Variants in IFTAP observed in about 807,000 individuals in gnomAD.
IFTAP encodes the protein intraflagellar transport-associated protein.
In IFTAP, 19 loss-of-function variants were observed where a neutral mutation model predicts 19.4. The observed-to-expected ratio is 0.98, with a 90% CI of 0.68 to 1.44. The LOEUF is 1.44. Ranked by LOEUF, IFTAP falls within the 40% of genes most tolerant of loss-of-function variation. IFTAP has a pLI of 0.00. For missense variants in IFTAP, 240 were observed against 253.6 expected (o/e 0.95, Z 0.36); for synonymous variants, 85 against 83.5 (o/e 1.02, Z -0.10).
At chr11:36,618,215 T>C (rs1226819070) in intron 2 of IFTAP, among the ~76,000 whole-genome samples, 2 of 151,934 alleles carry the variant, frequency 1.3e-5, no homozygotes, top group African/African-American at 4.8e-5. Context: ...AAGAGATAAT[T>C]AGGGTTAAAT....
Position 36,651,333 on chromosome 11 carries a change from T to C in IFTAP, c.498+3178T>C, listed in dbSNP as rs544908219. Among the ~76,000 whole-genome samples, 219 of 152,376 alleles carry C rather than the reference T, an allele frequency of 1.4e-3. 1 individual carries two copies. The highest frequency in any genetic ancestry group is 5.0e-3 in the African/African-American group (209 of 41,588). On this transcript the variant is annotated intron_variant, in intron 5 of 5. Coordinates refer to ENST00000334307, the MANE Select transcript of IFTAP (RefSeq NM_138787.4). ...GATAATGAGCAGTTTTTCATGTGTC[T>C]GTTGGCTGCATAAATGTCTTCTTTT...
rs547162957 is a variant in IFTAP, at chr11:36,650,654, T to C, written c.498+2499T>C. 1.4e-3 allele frequency among the ~76,000 whole-genome samples: 213 copies of C among 151,644 alleles called. 1 individual carries two copies. Among genetic ancestry groups the C allele is most frequent in the South Asian group, 6.2e-3 (30 of 4,802 alleles). ...TATGTATACATGTGCCATGTTGGTGTGTTGCACCAACATTTACATTAGGCA... is the reference window on the plus strand; with the variant it reads ...TATGTATACATGTGCCATGTTGGTGCGTTGCACCAACATTTACATTAGGCA... On this transcript the variant is annotated intron_variant, in intron 5 of 5. Transcript: ENST00000334307.
In IFTAP at chr11:36,648,362, A is replaced by T. The variant is rs543748572; in HGVS notation, c.498+207A>T. On this transcript the variant is annotated intron_variant, in intron 5 of 5. Transcript: ENST00000334307. ...AGAGCAATTATGTTTTTATGTGGAA[A>T]CCATTTTTGTTTTACAGTGTATGCC... The T allele has an allele frequency of 5.7e-5, 35 of 610,054 alleles. No homozygotes were observed. The African/African-American group carries it at 5.9e-4, about 10-fold the overall frequency. 37.8% of individuals were successfully genotyped at this position (610,054 alleles called of 1,614,324 possible).
chr11:36,646,706 GT>G (rs1352045624), intron 4 of IFTAP, among the ~76,000 whole-genome samples: 1 of 152,154 alleles, frequency 6.6e-6, no homozygotes, highest in Non-Finnish European at 1.5e-5. Context: ...CAGCTCTGCC[GT>G]TTTTAGCTGT....
intron 5 of IFTAP, among the ~76,000 whole-genome samples, chr11:36,656,664 G>A (rs1009871096): frequency 3.3e-5 from 5 of 151,950 alleles, no homozygotes; most frequent in African/African-American, 2.4e-5. Flanking sequence ...AGCAAAGCAC[G>A]TGATACTGAA....
chr11:36,607,859 G>C (rs1016572928), intron 1 of IFTAP, among the ~76,000 whole-genome samples: 1 of 152,096 alleles, frequency 6.6e-6, no homozygotes. Flanking sequence ...TTTTAGTGGA[G>C]ACAGGGTTTC....
chr11:36,651,992 C>T (rs1015717661), intron 5 of IFTAP, among the ~76,000 whole-genome samples: 57 of 152,280 alleles, frequency 3.7e-4, no homozygotes, highest in African/African-American at 1.2e-3. Flanking sequence ...AGCGTGATGC[C>T]TCCAGCTTTG....
At chr11:36,614,923 A>C (rs941406384) in intron 2 of IFTAP, among the ~76,000 whole-genome samples, 7 of 145,954 alleles carry the variant, frequency 4.8e-5, no homozygotes, top group African/African-American at 1.6e-4. Context: ...CTTTAGTTTA[A>C]TTAGATCCCA....
At chr11:36,614,811 G>A (rs1316690583) in intron 2 of IFTAP, among the ~76,000 whole-genome samples, 2 of 149,258 alleles carry the variant, frequency 1.3e-5, no homozygotes, top group Admixed American at 1.3e-4. Flanking sequence ...TGTAGATTCT[G>A]GATATTAGCC....
intron 2 of IFTAP, among the ~76,000 whole-genome samples, chr11:36,617,143 T>G (rs1444071474): frequency 6.7e-6 from 1 of 150,054 alleles, no homozygotes; most frequent in East Asian, 1.9e-4. Flanking sequence ...GAAAATTGAT[T>G]TAAATAAAAT....
chr11:36,625,152 C>T (rs1419164198), intron 2 of IFTAP, among the ~76,000 whole-genome samples: 1 of 152,070 alleles, frequency 6.6e-6, no homozygotes, highest in Non-Finnish European at 1.5e-5. Context: ...GGGAAACTTA[C>T]TTAACATTTC....
intron 2 of IFTAP, among the ~76,000 whole-genome samples, chr11:36,617,716 A>G (rs897737949): frequency 1.3e-5 from 2 of 152,006 alleles, no homozygotes; most frequent in African/African-American, 4.8e-5. Flanking sequence ...ATTGCTAAGT[A>G]TTTGTCTCGA....
intron 2 of IFTAP, among the ~76,000 whole-genome samples, chr11:36,619,244 A>G (rs375083564): frequency 6.6e-6 from 1 of 152,194 alleles, no homozygotes; most frequent in East Asian, 1.9e-4. Flanking sequence ...ATCACTACTC[A>G]TACTTGACAG....
At chr11:36,607,346 A>G (rs1285017145) in intron 1 of IFTAP, among the ~76,000 whole-genome samples, 1 of 152,024 alleles carries the variant, frequency 6.6e-6, no homozygotes, top group African/African-American at 2.4e-5. Context: ...CTTTATTTAA[A>G]CCCTCAGGGT....
chr11:36,625,740 T>A (rs1852484573), intron 2 of IFTAP, among the ~76,000 whole-genome samples: 3 of 152,134 alleles, frequency 2.0e-5, no homozygotes, highest in Admixed American at 2.0e-4. Flanking sequence ...AAACTGAAAT[T>A]TGTATTCTAG....
Position 36,633,439 on chromosome 11 carries a change from G to A in IFTAP, c.291+1G>A. The A allele has an allele frequency of 6.3e-7, 1 of 1,578,478 alleles. No individual in the cohort carries two copies. Among genetic ancestry groups the A allele is most frequent in the Non-Finnish European group, 8.6e-7 (1 of 1,164,144 alleles). On this transcript the variant is annotated splice_donor_variant, in intron 3 of 5. Coordinates refer to ENST00000334307, the MANE Select transcript of IFTAP (RefSeq NM_138787.4). LOFTEE classifies it high-confidence loss of function. The stretch of plus-strand genomic sequence containing the variant: ...TTCATCACAATGTTTGGAAGAACAG[G>A]TAATACCAACATAGTACATGTATAG...
At chr11:36,654,606 C>T (rs1853897423) in intron 5 of IFTAP, among the ~76,000 whole-genome samples, 1 of 152,102 alleles carries the variant, frequency 6.6e-6, no homozygotes, top group Non-Finnish European at 1.5e-5. Flanking sequence ...TTGAATCCGT[C>T]TTCATCTCCA....
intron 2 of IFTAP, among the ~76,000 whole-genome samples, chr11:36,616,042 T>A (rs566202440): frequency 6.6e-6 from 1 of 152,128 alleles, no homozygotes; most frequent in Admixed American, 6.6e-5. Context: ...ACAGAGATTG[T>A]ATAATTAAGA....
chr11:36,640,377 A>T (rs1853150298), intron 4 of IFTAP, among the ~76,000 whole-genome samples: 1 of 152,220 alleles, frequency 6.6e-6, no homozygotes, highest in Non-Finnish European at 1.5e-5. Flanking sequence ...TATTAATTTT[A>T]TTACATATTA....
Sources: allele counts gnomAD v4.1 joint callset (sites outside exome capture counted in the v4.1 genomes callset), GRCh38; gene constraint gnomAD v4.1.1; transcripts MANE v1.5; gene names NCBI Gene and HGNC (gene_info 2026-07-23, HGNC 2026-07-21).